Variants in DMD observed in about 807,000 individuals in gnomAD.
The protein encoded by DMD is dystrophin.
DMD carries 63 observed loss-of-function variants against 330.1 expected under a neutral mutation model. The ratio of observed to expected loss-of-function variants is 0.19; its 90% confidence interval spans 0.16 to 0.24. The LOEUF is 0.24. Among genes scored for constraint, DMD ranks in the 10% least tolerant of loss-of-function variants. The probability of loss-of-function intolerance (pLI) is 1.00; values close to 1 mark genes in which losing one functional copy is unlikely to be tolerated. For missense variants in DMD, 3,344 were observed against 2,684.1 expected (o/e 1.25, Z -5.43); for synonymous variants, 1,223 against 959.8 (o/e 1.27, Z -5.07).
chrX:31,260,796 A>C (rs867314697), intron 63 of DMD, among the ~76,000 whole-genome samples, 159 bp downstream of exon 63: 3 of 112,151 alleles, frequency 2.7e-5, no homozygotes, highest in Non-Finnish European at 5.6e-5. Flanking sequence ...TGATAAAAAG[A>C]AAGCTGACTG....
rs1470657767 is a variant in DMD at position 31,637,825 on chromosome X, A to G, written c.8028-9963T>C. Among the ~76,000 whole-genome samples, 8 of 111,994 alleles carry G rather than the reference A, an allele frequency of 7.1e-5. No individual in the cohort carries two copies. In the South Asian group the frequency reaches 2.9e-3, roughly 41 times the overall value. ...TTGAACCTCATAATAATTTGAAAAT[A>G]TTATCTTTGTTATAAAAAACTATTG... On this transcript the variant is annotated intron_variant, in intron 54 of 78. Coordinates refer to ENST00000357033, the MANE Select transcript of DMD (RefSeq NM_004006.3).
intron 54 of DMD, among the ~76,000 whole-genome samples, chrX:31,645,514 T>C (rs1167313513): frequency 8.9e-6 from 1 of 112,480 alleles, no homozygotes; most frequent in Non-Finnish European, 1.9e-5. Context: ...TTCCCTTGGT[T>C]AGCATGGCAA....
intron 19 of DMD, among the ~76,000 whole-genome samples, chrX:32,493,184 T>G (rs1024527083): frequency 8.9e-6 from 1 of 111,739 alleles, no homozygotes; most frequent in Non-Finnish European, 1.9e-5. Context: ...CCTCTTTCAC[T>G]TCCCTCTGCC....
At chrX:33,212,166 G>A (rs977567690), upstream of DMD, among the ~76,000 whole-genome samples, 5 of 112,293 alleles carry the variant, frequency 4.5e-5, no homozygotes, top group Admixed American at 1.9e-4. Flanking sequence ...CTCTTATAAT[G>A]CAGGAAAGAA....
chrX:32,935,042 G>C (rs1200330356), intron 2 of DMD, among the ~76,000 whole-genome samples: 1 of 112,989 alleles, frequency 8.9e-6, no homozygotes, highest in Non-Finnish European at 1.9e-5. Context: ...GCAGTGGCGC[G>C]ATCTCGGCTC....
chrX:32,039,282 T>A (rs988290982), intron 44 of DMD, among the ~76,000 whole-genome samples: 2 of 111,386 alleles, frequency 1.8e-5, no homozygotes, highest in African/African-American at 6.5e-5. Context: ...ATGAGAAGGA[T>A]GAGAAAGGAA....
chrX:32,341,031 T>C (rs1444594009), intron 41 of DMD, among the ~76,000 whole-genome samples: 1 of 112,022 alleles, frequency 8.9e-6, no homozygotes, highest in East Asian at 2.8e-4. Context: ...CCTTATATGC[T>C]TATAAAATTA....
At chrX:31,465,442 G>A (rs990218894) in intron 59 of DMD, among the ~76,000 whole-genome samples, 2 of 110,915 alleles carry the variant, frequency 1.8e-5, no homozygotes, top group Non-Finnish European at 3.8e-5. Context: ...ACTTACGAGT[G>A]AGAACATGCG....
At chrX:32,942,670 A>C (rs1267091835) in intron 2 of DMD, among the ~76,000 whole-genome samples, 1 of 112,290 alleles carries the variant, frequency 8.9e-6, no homozygotes, top group Admixed American at 9.5e-5. Flanking sequence ...ACGGTAATAG[A>C]CTCTGCAATG....
chrX:32,753,458 T>A (rs1432729160), intron 7 of DMD, among the ~76,000 whole-genome samples: 1 of 111,609 alleles, frequency 9.0e-6, no homozygotes, highest in Non-Finnish European at 1.9e-5. Context: ...CTTAGAAATT[T>A]GTTTTTCATA....
chrX:32,548,956 T>TA (rs1270300349), intron 16 of DMD, among the ~76,000 whole-genome samples: 3 of 111,877 alleles, frequency 2.7e-5, no homozygotes, highest in Non-Finnish European at 3.8e-5. Context: ...TCTTTGTATC[T>TA]AGCTAACTAT....
chrX:31,230,883 T>C (rs751769832), intron 63 of DMD, among the ~76,000 whole-genome samples: 2 of 112,070 alleles, frequency 1.8e-5, no homozygotes, highest in Non-Finnish European at 3.8e-5. Flanking sequence ...AACACTGTAA[T>C]AATGGCAGAG....
At chrX:32,082,689 G>A (rs1000740754) in intron 44 of DMD, among the ~76,000 whole-genome samples, 5 of 111,852 alleles carry the variant, frequency 4.5e-5, no homozygotes, top group African/African-American at 1.6e-4. Context: ...CCTACAACTA[G>A]ATTTTTCTAC....
chrX:32,575,571 G>A (rs1284994207), intron 13 of DMD, among the ~76,000 whole-genome samples: 3 of 112,283 alleles, frequency 2.7e-5, no homozygotes, highest in Non-Finnish European at 5.6e-5. Context: ...TTATTACGAA[G>A]CAGTATATAT....
intron 44 of DMD, among the ~76,000 whole-genome samples, chrX:32,019,058 G>C (rs113723051): frequency 0.053 from 5,835 of 109,244 alleles, 382 homozygotes; most frequent in African/African-American, 0.18. Flanking sequence ...ATGTAAAGCT[G>C]TATTAACTTT....
rs143605036 is a variant in DMD at position 32,828,001 on chromosome X, T to C, written c.265-4614A>G. On this transcript the variant is annotated intron_variant, in intron 4 of 78. Transcript: ENST00000357033. ...AGTGAGAACATGTGATATTTGGTTT[T>C]CTGTTCATGCACTAGTTTGCTAAGG... Among the ~76,000 whole-genome samples, 238 of 111,476 alleles carry C rather than the reference T, an allele frequency of 2.1e-3. 2 individuals carry two copies. In the East Asian group the frequency reaches 0.054, roughly 25 times the overall value.
chrX:32,191,513 A>G (rs1262501524), intron 44 of DMD, among the ~76,000 whole-genome samples: 2 of 111,579 alleles, frequency 1.8e-5, no homozygotes, highest in African/African-American at 3.3e-5. Context: ...TATTTGTTGT[A>G]TACTCTTTGC....
At chrX:32,163,780 T>G (rs188738617) in intron 44 of DMD, among the ~76,000 whole-genome samples, 36 of 111,901 alleles carry the variant, frequency 3.2e-4, no homozygotes, top group African/African-American at 1.0e-3. Flanking sequence ...AATTTCCTGG[T>G]TTCCTGGCTT....
intron 43 of DMD, among the ~76,000 whole-genome samples, chrX:32,258,710 G>A (rs2086845701): frequency 9.0e-6 from 1 of 110,738 alleles, no homozygotes; most frequent in Non-Finnish European, 1.9e-5. Context: ...AATACCTAAT[G>A]TAGATGATGG....
Sources: allele counts gnomAD v4.1 joint callset (sites outside exome capture counted in the v4.1 genomes callset), GRCh38; gene constraint gnomAD v4.1.1; transcripts MANE v1.5; gene names NCBI Gene and HGNC (gene_info 2026-07-23, HGNC 2026-07-21).